The following ETS1 variants were observed in gnomAD, a reference collection of about 807,000 sequenced individuals.
The protein encoded by ETS1 is ETS proto-oncogene 1, transcription factor.
In ETS1, 15 loss-of-function variants were observed where a neutral mutation model predicts 58.6. That is an observed-to-expected ratio of 0.26 (90% confidence interval 0.17 to 0.39). The LOEUF (loss-of-function observed/expected upper bound fraction) is 0.39. ETS1 is among the 10% of genes least tolerant of loss of function. The pLI is 1.00. For synonymous variants in ETS1, 214 were observed against 218.2 expected (o/e 0.98, Z 0.17); for missense variants, 417 against 610.5 (o/e 0.68, Z 3.34).
chr11:128,501,781 T>C (rs1863096201), intron 3 of ETS1, among the ~76,000 whole-genome samples: 1 of 152,216 alleles, frequency 6.6e-6, no homozygotes, highest in Non-Finnish European at 1.5e-5. Flanking sequence ...TCCACATATC[T>C]TTGTCTTGAC....
intron 2 of ETS1, among the ~76,000 whole-genome samples, chr11:128,560,107 G>T (rs1481446537): frequency 6.6e-6 from 1 of 151,920 alleles, no homozygotes; most frequent in Non-Finnish European, 1.5e-5. Flanking sequence ...ATCAGAGATG[G>T]TCTCCTTTTT....
chr11:128,459,904 T>C lies in ETS1; in HGVS notation c.*2457A>G, dbSNP rs1489307348. 6.6e-6 allele frequency: 1 copy of C among 152,308 alleles called. No homozygotes were observed. The highest frequency in any genetic ancestry group is 1.5e-5 in the Non-Finnish European group (1 of 68,034). 9.4% of individuals were successfully genotyped at this position (152,308 alleles called of 1,614,324 possible). On this transcript the variant is annotated 3_prime_UTR_variant, in exon 10 of 10. Transcript: ENST00000392668. ...CAGAAGGAGAGTTTCCGGCATAAATTTAATAGGAACGGTGGATGATTTGAG... is the reference window on the plus strand; with the variant it reads ...CAGAAGGAGAGTTTCCGGCATAAATCTAATAGGAACGGTGGATGATTTGAG...
intron 3 of ETS1, among the ~76,000 whole-genome samples, chr11:128,550,876 AAGAAT>A (rs1864218520): frequency 6.6e-6 from 1 of 152,218 alleles, no homozygotes; most frequent in Non-Finnish European, 1.5e-5. Flanking sequence ...AGAAAATTGA[AAGAAT>A]AAAATAAAAT....
intron 8 of ETS1, among the ~76,000 whole-genome samples, chr11:128,475,096 G>A (rs1427166864): frequency 2.6e-5 from 4 of 152,234 alleles, no homozygotes; most frequent in South Asian, 2.1e-4. Flanking sequence ...AAGGCTCTAC[G>A]CTGTTCCTAA....
At position 128,574,544 on chromosome 11, in the gene ETS1, C is replaced by T. The variant is rs555181122; in HGVS notation, c.-14-1400G>A. On this transcript the variant is annotated intron_variant, in intron 1 of 9. Transcript: ENST00000392668. ...AGGCCAGGGACATTGTTAACATCTG[C>T]GTCAGGGGTCACTACTCAGTGTTTG... Among the ~76,000 whole-genome samples, 119 of 152,210 alleles carry T rather than the reference C, an allele frequency of 7.8e-4. 2 individuals are homozygous for T. Among genetic ancestry groups the T allele is most frequent in the South Asian group, 3.9e-3 (19 of 4,818 alleles).
At chr11:128,565,530 G>C (rs187595396) in intron 2 of ETS1, among the ~76,000 whole-genome samples, 64 of 152,264 alleles carry the variant, frequency 4.2e-4, no homozygotes, top group African/African-American at 1.5e-3. Flanking sequence ...CTTAGGATCT[G>C]AATTTCCTGA....
intron 7 of ETS1, among the ~76,000 whole-genome samples, chr11:128,482,599 T>C (rs2135446075): frequency 6.6e-6 from 1 of 152,268 alleles, no homozygotes; most frequent in Non-Finnish European, 1.5e-5. Context: ...TGCAACCCTG[T>C]TGAGAGTTGT....
At chr11:128,522,035 GCAGTTA>G in intron 3 of ETS1, 1 of 1,551,438 alleles carries the variant, frequency 6.4e-7, no homozygotes, top group Middle Eastern at 1.7e-4. Context: ...TAGCAAGTTT[GCAGTTA>G]CTGTTGTTTT....
At chr11:128,476,750 T>A (rs1862333260) in intron 8 of ETS1, among the ~76,000 whole-genome samples, 1 of 152,268 alleles carries the variant, frequency 6.6e-6, no homozygotes, top group Non-Finnish European at 1.5e-5. Flanking sequence ...AAGGGGTTCA[T>A]AATGTATCTT....
intron 3 of ETS1, among the ~76,000 whole-genome samples, chr11:128,544,367 A>ATATATATATATATATATATATATATATG (rs1491442597): frequency 1.4e-5 from 2 of 143,608 alleles, no homozygotes; most frequent in African/African-American, 5.1e-5. Flanking sequence ...ATATATATAT[A>ATATATATATATATATATATATATATATG]TGGAATTTCC....
intron 5 of ETS1, among the ~76,000 whole-genome samples, chr11:128,488,160 G>A (rs955499410): frequency 2.0e-5 from 3 of 152,152 alleles, no homozygotes; most frequent in Non-Finnish European, 2.9e-5. Flanking sequence ...TAAACAGGTC[G>A]CTCATGTCAA....
At position 128,480,663 on chromosome 11, in the gene ETS1, G is replaced by A. The variant is rs117386562; in HGVS notation, c.863-212C>T. ...ACTAGGCCACCATCCGAGGGTCCACGGCCACTCTGCTGCCTGGTTTGAGAA... is the reference window on the plus strand; with the variant it reads ...ACTAGGCCACCATCCGAGGGTCCACAGCCACTCTGCTGCCTGGTTTGAGAA... On this transcript the variant is annotated intron_variant, in intron 7 of 9. Transcript: ENST00000392668. Among the ~76,000 whole-genome samples, 510 of 152,216 alleles carry A rather than the reference G, an allele frequency of 3.4e-3. 4 individuals are homozygous for A. Among genetic ancestry groups the A allele is most frequent in the Non-Finnish European group, 4.6e-3 (316 of 68,012 alleles).
intron 5 of ETS1, among the ~76,000 whole-genome samples, chr11:128,488,021 G>A (rs1862685936): frequency 6.6e-6 from 1 of 152,192 alleles, no homozygotes; most frequent in Non-Finnish European, 1.5e-5. Context: ...GCTCCATTTT[G>A]ATAAATGGAG....
chr11:128,510,695 G>A (rs1165895169), intron 3 of ETS1, among the ~76,000 whole-genome samples: 1 of 152,138 alleles, frequency 6.6e-6, no homozygotes, highest in African/African-American at 2.4e-5. Flanking sequence ...CTTCATGCTT[G>A]CTATAATCAG....
Position 128,461,905 on chromosome 11 carries a change from GT to G in ETS1, c.*455del, listed in dbSNP as rs1861915151. 6.5e-6 allele frequency: 1 copy of G among 154,942 alleles called. No homozygotes were observed. The highest frequency in any genetic ancestry group is 2.0e-4 in the South Asian group (1 of 4,984). 9.6% of individuals were successfully genotyped at this position (154,942 alleles called of 1,614,324 possible). On this transcript the variant is annotated 3_prime_UTR_variant, in exon 10 of 10. Coordinates refer to ENST00000392668, the MANE Select transcript of ETS1 (RefSeq NM_001143820.2). The stretch of plus-strand genomic sequence containing the variant: ...TTCAGTGCATCCCCCCCCAAAACAT[GT>G]TTCATCCCACCCACCTCTTTTTTGC...
In ETS1 at chr11:128,484,963, A is replaced by C; in HGVS notation, c.722T>G (p.Leu241Arg). Residue 241 changes from leucine (L) to arginine (R), a missense_variant, in exon 7 of 10, where the codon CTC becomes CGC. This residue lies in a region of ETS1 where 132 missense variants were observed against 212.1 expected (regional missense o/e 0.62). Coordinates refer to ENST00000392668, the MANE Select transcript of ETS1 (RefSeq NM_001143820.2). ...GTAGTCATTCTCATACTTGAGGGAG[A>C]GGAGCTCTTCCGAGCTGATGGGATG... ...TLHPISSEEL[L>R]SLKYENDYPS... The C allele has an allele frequency of 6.2e-7, 1 of 1,614,042 alleles. No individual in the cohort carries two copies. The highest frequency in any genetic ancestry group is 8.5e-7 in the Non-Finnish European group (1 of 1,179,978).
At position 128,585,164 on chromosome 11, in the gene ETS1, GAAAGAGAA is replaced by G. The variant is rs1331382274; in HGVS notation, c.-15+2316_-15+2323del. ...AGAAAGAAAGAAAGAAAGAAAGAAA[GAAAGAGAA>G]AGAAAGAAAGAAAGAAGGAAGGAAA... On this transcript the variant is annotated intron_variant, in intron 1 of 9. Transcript: ENST00000392668. Among the ~76,000 whole-genome samples the G allele has an allele frequency of 8.5e-4, 21 of 24,660 alleles. 7 individuals are homozygous for G. Among genetic ancestry groups the G allele is most frequent in the East Asian group, 2.7e-3 (2 of 740 alleles). 16.2% of individuals were successfully genotyped at this position (24,660 alleles called of 152,430 possible).
At chr11:128,462,940 G>C (rs1861941812) in intron 9 of ETS1, among the ~76,000 whole-genome samples, 1 of 152,192 alleles carries the variant, frequency 6.6e-6, no homozygotes, top group Non-Finnish European at 1.5e-5. Flanking sequence ...ATCTAACAGG[G>C]AAGTGTGAAG....
Position 128,498,053 on chromosome 11 carries a change from T to G in ETS1, c.215-7477A>C, listed in dbSNP as rs116400820. On this transcript the variant is annotated intron_variant, in intron 3 of 9. Transcript: ENST00000392668. The stretch of plus-strand genomic sequence containing the variant: ...AAATATGTGTTTTTCTCTAGCAGCC[T>G]GGCAAGTGAAGGTACATAAACCAGG... Among the ~76,000 whole-genome samples, 536 of 152,350 alleles carry G rather than the reference T, an allele frequency of 3.5e-3. 2 individuals carry two copies. Among genetic ancestry groups the G allele is most frequent in the African/African-American group, 0.012 (509 of 41,572 alleles).
Sources: allele counts gnomAD v4.1 joint callset (sites outside exome capture counted in the v4.1 genomes callset), GRCh38; gene constraint gnomAD v4.1.1; regional missense constraint gnomAD v4.1.1; transcripts MANE v1.5; gene names NCBI Gene and HGNC (gene_info 2026-07-23, HGNC 2026-07-21).